MCTP1: variants seen among roughly 807,000 people sequenced by gnomAD.
The protein encoded by MCTP1 is multiple C2 and transmembrane domain-containing protein 1.
MCTP1 carries 69 observed loss-of-function variants against 120.6 expected under a neutral mutation model. The ratio of observed to expected loss-of-function variants is 0.57; its 90% CI spans 0.47 to 0.70. MCTP1 has a LOEUF of 0.70. Among genes scored for constraint, MCTP1 ranks in the 30% least tolerant of loss-of-function variants. The pLI is 0.00. For synonymous variants in MCTP1, 529 were observed against 493.1 expected, an observed-to-expected ratio of 1.07 and a Z score of -0.96; for missense variants, 1,203 against 1,248.8, an observed-to-expected ratio of 0.96 and a Z score of 0.55.
At chr5:94,862,494 T>C (rs774867176) in intron 17 of MCTP1, among the ~76,000 whole-genome samples, 3 of 151,776 alleles carry the variant, frequency 2.0e-5, no homozygotes, top group Non-Finnish European at 4.4e-5. Context: ...AAAACAAAAA[T>C]AACTTCACAA....
chr5:94,863,946 A>G (rs544857562), intron 17 of MCTP1, among the ~76,000 whole-genome samples: 1 of 151,968 alleles, frequency 6.6e-6, no homozygotes, highest in East Asian at 2.0e-4. Context: ...GTTGTCCCGA[A>G]TATGATCCTT....
At chr5:95,119,643 A>G (rs1038281441) in intron 1 of MCTP1, among the ~76,000 whole-genome samples, 9 of 152,192 alleles carry the variant, frequency 5.9e-5, no homozygotes, top group Non-Finnish European at 1.2e-4. Flanking sequence ...GCTGAGGAAA[A>G]AAACAAAGAC....
intron 1 of MCTP1, among the ~76,000 whole-genome samples, chr5:95,152,041 C>T (rs73777315): frequency 0.02 from 3,077 of 152,026 alleles, 40 homozygotes; most frequent in African/African-American, 0.041. Flanking sequence ...CTAAACAGTA[C>T]GGAAAAAAAG....
At position 94,708,458 on chromosome 5, in the gene MCTP1, C is replaced by CCCATG; in HGVS notation, c.2928+49_2928+53dup. 6 of 1,099,882 alleles carry CCCATG rather than the reference C, an allele frequency of 5.5e-6. No individual in the cohort carries two copies. The South Asian group carries it at 7.9e-5, about 15-fold the overall frequency. The allele number at this position is 1,099,882 out of a possible 1,614,324, so 68.1% of individuals were successfully genotyped here. On this transcript the variant is annotated intron_variant, in intron 22 of 22. Coordinates refer to ENST00000515393, the MANE Select transcript of MCTP1 (RefSeq NM_024717.7). ...ATTAGAAGGATATAAAAGCTAAAAC[C>CCCATG]CCATGCCACACTACATTAAAATAAT...
intron 17 of MCTP1, among the ~76,000 whole-genome samples, chr5:94,865,786 G>A (rs1214642732): frequency 6.6e-6 from 1 of 151,856 alleles, no homozygotes; most frequent in Non-Finnish European, 1.5e-5. Context: ...CTGCTGTGTG[G>A]CCTTGGGCAA....
intron 1 of MCTP1, among the ~76,000 whole-genome samples, chr5:95,054,381 C>G (rs1746811656): frequency 6.6e-6 from 1 of 152,188 alleles, no homozygotes; most frequent in African/African-American, 2.4e-5. Context: ...AACTATGATT[C>G]AATTTAGCAA....
intron 17 of MCTP1, among the ~76,000 whole-genome samples, chr5:94,822,806 A>G (rs1156617255): frequency 1.3e-5 from 2 of 152,214 alleles, no homozygotes; most frequent in Non-Finnish European, 2.9e-5. Context: ...TCTGATGACC[A>G]GTGATGATGA....
At chr5:94,917,622 T>A (rs1810413168) in intron 8 of MCTP1, among the ~76,000 whole-genome samples, 1 of 152,156 alleles carries the variant, frequency 6.6e-6, no homozygotes, top group African/African-American at 2.4e-5. Context: ...TAATAAAGAA[T>A]ATCAAGACAC....
intron 2 of MCTP1, among the ~76,000 whole-genome samples, chr5:94,989,892 G>C (rs1831194695): frequency 6.6e-6 from 1 of 152,170 alleles, no homozygotes; most frequent in Non-Finnish European, 1.5e-5. Context: ...TGTGCTGGAA[G>C]GTGTCACAGC....
chr5:94,838,712 T>A (rs1455543666), intron 17 of MCTP1, among the ~76,000 whole-genome samples: 2 of 152,220 alleles, frequency 1.3e-5, no homozygotes, highest in African/African-American at 4.8e-5. Flanking sequence ...GCTCCATAGA[T>A]AAATGTTGAG....
intron 1 of MCTP1, among the ~76,000 whole-genome samples, chr5:95,142,884 T>A (rs3852193): frequency 0.17 from 26,211 of 152,150 alleles, 2,672 homozygotes; most frequent in Non-Finnish European, 0.23. Context: ...GCTAAAGTCA[T>A]GGAGCAACTC....
chr5:94,768,786 G>T (rs902209404), intron 19 of MCTP1, among the ~76,000 whole-genome samples: 3 of 152,150 alleles, frequency 2.0e-5, no homozygotes, highest in African/African-American at 7.2e-5. Flanking sequence ...ATAATTGGTG[G>T]GAATGTGAAT....
chr5:95,069,693 T>C (rs1751619788), intron 1 of MCTP1, among the ~76,000 whole-genome samples: 1 of 119,560 alleles, frequency 8.4e-6, no homozygotes, highest in African/African-American at 2.8e-5. Context: ...CAAATGACCC[T>C]TCTGCCCTTT....
At chr5:95,167,605 C>T (rs529562990) in intron 1 of MCTP1, among the ~76,000 whole-genome samples, 3 of 152,324 alleles carry the variant, frequency 2.0e-5, no homozygotes, top group African/African-American at 7.2e-5. Context: ...GCCATTCTAA[C>T]TGGTGTGAGA....
intron 1 of MCTP1, among the ~76,000 whole-genome samples, chr5:95,032,696 C>A (rs180849023): frequency 6.6e-6 from 1 of 151,940 alleles, no homozygotes; most frequent in Admixed American, 6.6e-5. Context: ...CAAGAACAAA[C>A]CAAACCTAAA....
chr5:95,173,120 T>G (rs930271202), intron 1 of MCTP1, among the ~76,000 whole-genome samples: 1 of 152,192 alleles, frequency 6.6e-6, no homozygotes, highest in African/African-American at 2.4e-5. Context: ...GATCGAAGAC[T>G]CACAATGTTA....
chr5:94,723,525 A>AT (rs1406306328), intron 19 of MCTP1, among the ~76,000 whole-genome samples: 2 of 149,842 alleles, frequency 1.3e-5, no homozygotes, highest in East Asian at 2.0e-4. Context: ...TTACACTGAG[A>AT]TTTTTTTTCC....
intron 1 of MCTP1, among the ~76,000 whole-genome samples, chr5:95,273,812 T>A (rs1467639611): frequency 6.6e-6 from 1 of 152,140 alleles, no homozygotes; most frequent in Non-Finnish European, 1.5e-5. Context: ...TAAAAGCATC[T>A]CTGAACAGAA....
At chr5:95,172,864 G>T (rs772000958) in intron 1 of MCTP1, among the ~76,000 whole-genome samples, 1 of 152,100 alleles carries the variant, frequency 6.6e-6, no homozygotes, top group Non-Finnish European at 1.5e-5. Flanking sequence ...AATGCAAAGG[G>T]CTCTGAGAGA....
Sources: gnomAD v4.1 joint callset for allele counts (sites outside exome capture counted in the v4.1 genomes callset) on GRCh38, gnomAD v4.1.1 for gene constraint, MANE v1.5 for transcripts, NCBI Gene and HGNC (gene_info 2026-07-23, HGNC 2026-07-21) for gene names.